Variants in STK33 observed in about 807,000 individuals in gnomAD.
STK33 encodes the protein serine/threonine kinase 33, also known as serine/threonine-protein kinase 33.
A neutral mutation model predicts 58.0 loss-of-function variants in STK33; 52 were observed. The ratio of observed to expected loss-of-function variants is 0.90; its 90% confidence interval spans 0.72 to 1.13. STK33 has a LOEUF of 1.13. STK33 is among the 50% of genes most tolerant of loss of function. The pLI, the probability that STK33 is intolerant of heterozygous loss-of-function variation, is 0.00. For missense variants in STK33, 630 were observed against 604.2 expected (o/e 1.04, Z -0.45); for synonymous variants, 215 against 200.1 (o/e 1.07, Z -0.63).
chr11:8,503,253 G>A (rs1279277892), intron 1 of STK33, among the ~76,000 whole-genome samples: 2 of 152,134 alleles, frequency 1.3e-5, no homozygotes, highest in Non-Finnish European at 2.9e-5. Context: ...TAAAGAAAAT[G>A]TGGTACACAT....
chr11:8,583,339 T>TA (rs144369222), intron 1 of STK33, among the ~76,000 whole-genome samples: 11 of 150,862 alleles, frequency 7.3e-5, no homozygotes, highest in South Asian at 2.1e-4. Context: ...ATATTTCTAC[T>TA]AAAAAAAAAT....
At chr11:8,553,190 ATATATATGGTG>A (rs1469648962) in intron 1 of STK33, among the ~76,000 whole-genome samples, 1,725 of 75,134 alleles carry the variant, frequency 0.023, 49 homozygotes, top group African/African-American at 0.047. Flanking sequence ...ATATATATAT[ATATATATGGTG>A]TATATATATA....
chr11:8,466,349 T>C (rs900387541), intron 6 of STK33: 1 of 152,292 alleles, frequency 6.6e-6, no homozygotes, highest in African/African-American at 2.4e-5. Context: ...AATGGGGGTA[T>C]AGGCATTGGG....
chr11:8,517,538 C>G (rs965837892), intron 1 of STK33, among the ~76,000 whole-genome samples: 1 of 152,190 alleles, frequency 6.6e-6, no homozygotes, highest in Non-Finnish European at 1.5e-5. Flanking sequence ...TAACAAACTT[C>G]TCCAAACTAA....
At chr11:8,491,479 G>A (rs1950605371) in intron 1 of STK33, among the ~76,000 whole-genome samples, 1 of 152,190 alleles carries the variant, frequency 6.6e-6, no homozygotes, top group Admixed American at 6.5e-5. Context: ...TGGTGAAACT[G>A]AAAGTGACAG....
chr11:8,454,794 C>T lies in STK33; in HGVS notation c.736G>A (p.Val246Ile), dbSNP rs1398907904. 6.4e-7 allele frequency: 1 copy of T among 1,571,802 alleles called. No individual in the cohort carries two copies. Among genetic ancestry groups the T allele is most frequent in the East Asian group, 2.3e-5 (1 of 42,992 alleles). The change falls in exon 10 of 16, where the codon GTT becomes ATT. Residue 246 changes from valine (V) to isoleucine (I), a missense_variant. Coordinates refer to ENST00000687296, the MANE Select transcript of STK33 (RefSeq NM_001352389.2). ...HRDLKLENIMVKSSLIDDNNE... is the reference protein window; with the variant it reads ...HRDLKLENIMIKSSLIDDNNE... The stretch of plus-strand genomic sequence containing the variant: ...TTATCATCAATAAGACTGCTTTTAA[C>T]CATTATATTTTCCAGTTTCAGATCT...
At chr11:8,464,659 A>C in intron 7 of STK33, 50 bp downstream of exon 7, 2 of 1,358,780 alleles carry the variant, frequency 1.5e-6, no homozygotes, top group East Asian at 2.3e-5. Context: ...GTCCACACCC[A>C]CCCTGCACTA....
At chr11:8,526,331 G>C (rs968717959) in intron 1 of STK33, among the ~76,000 whole-genome samples, 1 of 151,950 alleles carries the variant, frequency 6.6e-6, no homozygotes, top group East Asian at 1.9e-4. Flanking sequence ...GGCAGAGGTT[G>C]CAATGAGCCG....
chr11:8,438,146 A>C (rs1340893217), intron 12 of STK33, among the ~76,000 whole-genome samples: 2 of 152,210 alleles, frequency 1.3e-5, no homozygotes, highest in Admixed American at 1.3e-4. Flanking sequence ...TAAGGGCTAC[A>C]TCTTAAAAAA....
chr11:8,412,659 C>T (rs975999324), intron 15 of STK33, among the ~76,000 whole-genome samples: 8 of 152,166 alleles, frequency 5.3e-5, no homozygotes, highest in Non-Finnish European at 1.0e-4. Context: ...TGACTCCTCA[C>T]GAGAAGTCTG....
chr11:8,527,384 A>T (rs1954138811), intron 1 of STK33, among the ~76,000 whole-genome samples: 1 of 152,116 alleles, frequency 6.6e-6, no homozygotes, highest in South Asian at 2.1e-4. Flanking sequence ...GATGGGTTAC[A>T]TGAGTGTTCG....
rs368564556 is a variant in STK33 at position 8,482,886 on chromosome 11, C to T, written c.-465-2272G>A. ...CTGGGACTACAGGCGCCCACCACCA[C>T]GCCCAGCTAATTTTTTTGTATTTTT... On this transcript the variant is annotated intron_variant, in intron 1 of 15. Coordinates refer to ENST00000687296, the MANE Select transcript of STK33 (RefSeq NM_001352389.2). Among the ~76,000 whole-genome samples the T allele has an allele frequency of 2.0e-3, 300 of 151,914 alleles. 2 individuals are homozygous for T. The highest frequency in any genetic ancestry group is 6.8e-3 in the African/African-American group (281 of 41,456).
chr11:8,347,466 T>C, the STK33 span, among the ~76,000 whole-genome samples: 1 of 152,236 alleles, frequency 6.6e-6, no homozygotes, highest in African/African-American at 2.4e-5. Context: ...TTGTGTTACA[T>C]GTCATCACAA....
intron 11 of STK33, among the ~76,000 whole-genome samples, chr11:8,444,591 G>A (rs1945180085): frequency 6.6e-6 from 1 of 152,004 alleles, no homozygotes. Context: ...AGTGCATATT[G>A]AATTTATAGG....
At chr11:8,339,635 G>T in the STK33 span, among the ~76,000 whole-genome samples, 1 of 152,194 alleles carries the variant, frequency 6.6e-6, no homozygotes, top group Non-Finnish European at 1.5e-5. Flanking sequence ...AAGCCTCCTG[G>T]GCTGACCCGT....
intron 1 of STK33, among the ~76,000 whole-genome samples, chr11:8,551,134 A>T (rs949258723): frequency 3.4e-5 from 5 of 147,440 alleles, no homozygotes; most frequent in African/African-American, 1.2e-4. Context: ...ATTCTGAATA[A>T]TTTTTTTTTT....
the STK33 span, among the ~76,000 whole-genome samples, chr11:8,340,939 AC>A: frequency 6.6e-6 from 1 of 151,918 alleles, no homozygotes; most frequent in Non-Finnish European, 1.5e-5. Flanking sequence ...GCTCACTGCA[AC>A]CTCCGCCTCC....
chr11:8,376,381 T>C, the STK33 span, among the ~76,000 whole-genome samples: 8 of 152,108 alleles, frequency 5.3e-5, no homozygotes, highest in Non-Finnish European at 1.2e-4. Context: ...GGGTATTTAA[T>C]ACCATTAGCC....
At chr11:8,572,099 G>A (rs977885725) in intron 1 of STK33, among the ~76,000 whole-genome samples, 2 of 150,732 alleles carry the variant, frequency 1.3e-5, no homozygotes, top group South Asian at 2.1e-4. Flanking sequence ...TCCAAGGCTC[G>A]TGTTGGGGGT....
Sources: allele counts gnomAD v4.1 joint callset (sites outside exome capture counted in the v4.1 genomes callset), GRCh38; gene constraint gnomAD v4.1.1; transcripts MANE v1.5; gene names NCBI Gene and HGNC (gene_info 2026-07-23, HGNC 2026-07-21).